Variants in ZNF283 observed in about 807,000 individuals in gnomAD.
ZNF283 encodes the protein zinc finger protein 41.
In ZNF283, 10 loss-of-function variants were observed where a neutral mutation model predicts 9.2. The ratio of observed to expected loss-of-function variants is 1.09; its 90% confidence interval spans 0.67 to 1.85. ZNF283 has a LOEUF of 1.85. ZNF283 is among the 40% of genes most tolerant of loss of function. The probability of loss-of-function intolerance (pLI) is 0.00; values close to 1 mark genes in which losing one functional copy is unlikely to be tolerated. For synonymous variants in ZNF283, 234 were observed against 244.1 expected (o/e 0.96, Z 0.38); for missense variants, 631 against 760.1 (o/e 0.83, Z 2.00).
chr19:43,837,281 C>A, intron 6 of ZNF283, 102 bp downstream of exon 6: 2 of 1,236,748 alleles, frequency 1.6e-6, no homozygotes, highest in Non-Finnish European at 2.2e-6. Flanking sequence ...AGGTGAATTT[C>A]TTCTCCCCCT....
At chr19:43,844,788 T>C (rs1462106471) in intron 6 of ZNF283, among the ~76,000 whole-genome samples, 3 of 152,172 alleles carry the variant, frequency 2.0e-5, no homozygotes, top group Admixed American at 6.5e-5. Flanking sequence ...AGATTTGAGT[T>C]TGGAAAAACC....
Position 43,850,162 on chromosome 19 carries a change from G to A in ZNF283, c.*1521G>A, listed in dbSNP as rs1405335660. The A allele has an allele frequency of 2.0e-5, 3 of 152,182 alleles. No individual in the cohort carries two copies. Among genetic ancestry groups the A allele is most frequent in the Non-Finnish European group, 4.4e-5 (3 of 68,036 alleles). The allele number at this position is 152,182 out of a possible 1,614,324, so 9.4% of individuals were successfully genotyped here. A position where few individuals can be genotyped will look rare whatever the true frequency, so the allele number is the denominator to read the frequency against. The stretch of plus-strand genomic sequence containing the variant: ...AGTTTCATTCCTCATGGTGAAATTT[G>A]ATATGGGCCTCTCCTTCACATTTCT... On this transcript the variant is annotated 3_prime_UTR_variant, in exon 7 of 7. Transcript: ENST00000618787.
At chr19:43,828,474 T>A (rs895314210) in intron 2 of ZNF283, among the ~76,000 whole-genome samples, 193 bp downstream of exon 2, 4 of 152,164 alleles carry the variant, frequency 2.6e-5, no homozygotes, top group Non-Finnish European at 4.4e-5. Context: ...TACCCACCTG[T>A]TCATATGGCA....
At chr19:43,840,590 G>A (rs1423273200) in intron 6 of ZNF283, 1 of 152,194 alleles carries the variant, frequency 6.6e-6, no homozygotes. Flanking sequence ...TTTCACCTAA[G>A]AATAGTAGCC....
At chr19:43,839,911 A>G (rs1226882455) in intron 6 of ZNF283, among the ~76,000 whole-genome samples, 1 of 152,086 alleles carries the variant, frequency 6.6e-6, no homozygotes, top group Non-Finnish European at 1.5e-5. Context: ...TTCCTCAGGA[A>G]TGGTTTCTGT....
At position 43,836,972 on chromosome 19, in the gene ZNF283, G is replaced by A. The variant is rs1205811749; in HGVS notation, c.211-81G>A. 1.7e-5 allele frequency: 25 copies of A among 1,497,750 alleles called. 1 individual carries two copies. The South Asian group carries it at 1.9e-4, about 11-fold the overall frequency. 92.8% of individuals were successfully genotyped at this position (1,497,750 alleles called of 1,614,324 possible). Reference sequence around the variant, plus strand: ...TGTTATATTTCTCCCCCTCTTTGTAGTTCATCCTTTGTACCCTCTTTTTTC... The same window carrying A: ...TGTTATATTTCTCCCCCTCTTTGTAATTCATCCTTTGTACCCTCTTTTTTC... On this transcript the variant is annotated intron_variant, in intron 5 of 6. Coordinates refer to ENST00000618787, the MANE Select transcript of ZNF283 (RefSeq NM_181845.2).
chr19:43,839,723 A>T (rs902544238), intron 6 of ZNF283, among the ~76,000 whole-genome samples: 1 of 150,720 alleles, frequency 6.6e-6, no homozygotes, highest in Admixed American at 6.6e-5. Context: ...CACTATTGAA[A>T]TTTTCATTTC....
At chr19:43,829,927 G>A (rs1970631382) in intron 2 of ZNF283, among the ~76,000 whole-genome samples, 1 of 152,102 alleles carries the variant, frequency 6.6e-6, no homozygotes, top group Non-Finnish European at 1.5e-5. Context: ...GGAGGCTGAG[G>A]CAGGAGAATT....
rs376733259 is a variant in ZNF283 at position 43,848,757 on chromosome 19, G to A, written c.*116G>A. ...GGTTGTGCAAAAGCCATTCATTTCT[G>A]TTTATGGGCAATTATCTTGCTATCC... On this transcript the variant is annotated 3_prime_UTR_variant, in exon 7 of 7. Coordinates refer to ENST00000618787, the MANE Select transcript of ZNF283 (RefSeq NM_181845.2). 1.6e-5 allele frequency: 16 copies of A among 1,001,156 alleles called. No homozygotes were observed. The highest frequency in any genetic ancestry group is 3.4e-4 in the Middle Eastern group (1 of 2,932). 62.0% of individuals were successfully genotyped at this position (1,001,156 alleles called of 1,614,324 possible).
chr19:43,832,061 G>GA (rs1434968319), intron 3 of ZNF283, among the ~76,000 whole-genome samples: 2 of 148,072 alleles, frequency 1.4e-5, no homozygotes, highest in South Asian at 2.1e-4. Context: ...TTCTTAGTTT[G>GA]AAAAAAAAAT....
At chr19:43,834,524 T>A (rs1457981662) in intron 4 of ZNF283, among the ~76,000 whole-genome samples, 1 of 151,430 alleles carries the variant, frequency 6.6e-6, no homozygotes, top group African/African-American at 2.4e-5. Flanking sequence ...ACAGAAAACA[T>A]TATGATCATA....
At chr19:43,841,984 G>T (rs775468849) in intron 6 of ZNF283, among the ~76,000 whole-genome samples, 6 of 151,974 alleles carry the variant, frequency 3.9e-5, no homozygotes, top group Non-Finnish European at 5.9e-5. Flanking sequence ...CATTTATCAT[G>T]CTTCACTTTC....
chr19:43,837,194 C>T lies in ZNF283; in HGVS notation c.337+15C>T, dbSNP rs757878391. On this transcript the variant is annotated intron_variant, in intron 6 of 6. Coordinates refer to ENST00000618787, the MANE Select transcript of ZNF283 (RefSeq NM_181845.2). ...GGTGTCACTGGGTAAGGTCATCTGC[C>T]TGAAATAATTTAGAGTCTCCTCTTT... The T allele has an allele frequency of 8.3e-6, 13 of 1,572,928 alleles. No individual in the cohort carries two copies. In the East Asian group the frequency reaches 3.0e-4, roughly 36 times the overall value.
Position 43,847,851 on chromosome 19 carries a change from G to A in ZNF283, c.1250G>A (p.Ser417Asn). The A allele has an allele frequency of 1.2e-6, 2 of 1,613,012 alleles. No homozygotes were observed. The highest frequency in any genetic ancestry group is 1.7e-6 in the Non-Finnish European group (2 of 1,179,750). Residue 417 changes from serine (S) to asparagine (N), a missense_variant, in exon 7 of 7, where the codon AGT becomes AAT. Ser to Asn is a conservative substitution (Grantham distance 46, BLOSUM62 1). Coordinates refer to ENST00000618787, the MANE Select transcript of ZNF283 (RefSeq NM_181845.2). ...GGGAAGGCTTTTAATTGCGGATCAA[G>A]TCTTATTCAACATGAAAGAATTCAT... The part of the protein sequence containing the change: ...ECGKAFNCGS[S>N]LIQHERIHTG...
chr19:43,841,976 T>A (rs1326975661), intron 6 of ZNF283, among the ~76,000 whole-genome samples: 1 of 152,218 alleles, frequency 6.6e-6, no homozygotes, highest in African/African-American at 2.4e-5. Flanking sequence ...TTCCTTTACA[T>A]TTATCATGCT....
chr19:43,850,430 T>C lies in ZNF283; in HGVS notation c.*1789T>C, dbSNP rs547732123. ...TCTTTGGAAATGTGTGATCATATGG[T>C]ATGTATTTTACTTTTTTTTTTTTTT... On this transcript the variant is annotated 3_prime_UTR_variant, in exon 7 of 7. Coordinates refer to ENST00000618787, the MANE Select transcript of ZNF283 (RefSeq NM_181845.2). 1 of 136,390 alleles carries C rather than the reference T, an allele frequency of 7.3e-6. No homozygotes were observed. The highest frequency in any genetic ancestry group is 2.6e-4 in the South Asian group (1 of 3,776). 8.4% of individuals were successfully genotyped at this position (136,390 alleles called of 1,614,324 possible).
chr19:43,831,773 G>A (rs980702341), intron 3 of ZNF283, among the ~76,000 whole-genome samples: 1 of 152,142 alleles, frequency 6.6e-6, no homozygotes. Flanking sequence ...GACCACAGGT[G>A]TGTGCCACCA....
chr19:43,848,373 G>T lies in ZNF283; in HGVS notation c.1772G>T (p.Arg591Ile). 6.2e-7 allele frequency: 1 copy of T among 1,613,822 alleles called. No homozygotes were observed. The change falls in exon 7 of 7, where the codon AGA becomes ATA. Residue 591 changes from arginine (R) to isoleucine (I), a missense_variant. Transcript: ENST00000618787. ...SWGSSLVKHE[R>I]VHTNEKSYEC... ...GGTTCAAGCCTAGTTAAGCATGAGA[G>T]AGTCCATACTAATGAGAAGTCTTAT...
At chr19:43,846,412 G>C (rs547770257) in intron 6 of ZNF283, among the ~76,000 whole-genome samples, 10 of 152,164 alleles carry the variant, frequency 6.6e-5, no homozygotes, top group African/African-American at 2.4e-4. Context: ...GAAAACTCTG[G>C]CTCTGGAGGC....
Sources: allele counts gnomAD v4.1 joint callset (sites outside exome capture counted in the v4.1 genomes callset), GRCh38; gene constraint gnomAD v4.1.1; transcripts MANE v1.5; gene names NCBI Gene and HGNC (gene_info 2026-07-23, HGNC 2026-07-21).